Variants in PTPN13 observed in about 807,000 individuals in gnomAD.
The protein encoded by PTPN13 is tyrosine-protein phosphatase non-receptor type 13.
Under a neutral mutation model 284.0 loss-of-function variants are expected in PTPN13, and 191 were observed. That is an observed-to-expected ratio of 0.67 (90% CI 0.60 to 0.76). The LOEUF (loss-of-function observed/expected upper bound fraction) is 0.76, where lower values mean the gene tolerates loss of function less well. Among genes scored for constraint, PTPN13 ranks in the 30% least tolerant of loss-of-function variants. The probability of loss-of-function intolerance (pLI) is 0.00; values close to 1 mark genes in which losing one functional copy is unlikely to be tolerated. For missense variants in PTPN13, 2,797 were observed against 2,939.9 expected (o/e 0.95, Z 1.12); for synonymous variants, 986 against 1,022.3 (o/e 0.96, Z 0.68).
intron 17 of PTPN13, among the ~76,000 whole-genome samples, chr4:86,749,075 G>A (rs7664147): frequency 0.14 from 21,499 of 152,164 alleles, 1,979 homozygotes; most frequent in African/African-American, 0.25. Context: ...TAGTGACAAT[G>A]AGGCATGTTT....
chr4:86,690,631 C>G (rs1729923818), intron 5 of PTPN13, among the ~76,000 whole-genome samples: 2 of 152,124 alleles, frequency 1.3e-5, no homozygotes, highest in South Asian at 4.2e-4. Context: ...ATTAGACAGT[C>G]CAGGGACTTT....
At chr4:86,802,336 T>C (rs767778272) in intron 42 of PTPN13, among the ~76,000 whole-genome samples, 19 of 152,190 alleles carry the variant, frequency 1.2e-4, no homozygotes, top group Non-Finnish European at 2.5e-4. Flanking sequence ...TGCCTACCTA[T>C]TATGTTGTTT....
rs1333451883 is a variant in PTPN13, at chr4:86,732,777, A to AT, written c.1858+15dup. On this transcript the variant is annotated intron_variant, in intron 12 of 47. Transcript: ENST00000411767. ...TAGCTACCCTCAAAGGTACCAAGAC[A>AT]TTTTATATTCAGAGTACAGTATAGA... The AT allele has an allele frequency of 1.2e-6, 2 of 1,608,088 alleles. No individual in the cohort carries two copies. The highest frequency in any genetic ancestry group is 1.7e-6 in the Non-Finnish European group (2 of 1,176,422).
At chr4:86,598,451 A>G (rs897391794) in intron 1 of PTPN13, among the ~76,000 whole-genome samples, 2 of 152,128 alleles carry the variant, frequency 1.3e-5, no homozygotes, top group Non-Finnish European at 2.9e-5. Flanking sequence ...GGTCCCTCTC[A>G]AGGTATTTTG....
intron 3 of PTPN13, among the ~76,000 whole-genome samples, chr4:86,681,749 G>A (rs1421139888): frequency 2.6e-5 from 4 of 152,108 alleles, no homozygotes; most frequent in East Asian, 1.9e-4. Context: ...CCAACATGGC[G>A]AAACCCCGTC....
intron 44 of PTPN13, among the ~76,000 whole-genome samples, chr4:86,806,177 A>C (rs541952464): frequency 6.6e-6 from 1 of 152,120 alleles, no homozygotes; most frequent in Middle Eastern, 3.4e-3. Flanking sequence ...TAGGAAAAAA[A>C]AAAGAAAAGC....
In PTPN13 at chr4:86,701,727, T is replaced by C; in HGVS notation, c.1121T>C (p.Ile374Thr). ...CGAGAATTGCCCACCTCCTCAGCAA[T>C]ATCAAGTGCTTTGGACCGAATCCGA... ...HTRELPTSSA[I>T]SSALDRIRER... Residue 374 changes from isoleucine to threonine, a missense_variant, in exon 7 of 48, where the codon ATA (isoleucine) becomes ACA (threonine). Physicochemically the swap from Ile to Thr is moderately conservative, Grantham distance 89 (BLOSUM62 -1). Transcript: ENST00000411767. The C allele has an allele frequency of 1.9e-6, 3 of 1,613,892 alleles. No homozygotes were observed. The highest frequency in any genetic ancestry group is 2.5e-6 in the Non-Finnish European group (3 of 1,179,854).
intron 40 of PTPN13, among the ~76,000 whole-genome samples, chr4:86,795,149 A>C (rs1743177517): frequency 6.6e-6 from 1 of 152,270 alleles, no homozygotes; most frequent in African/African-American, 2.4e-5. Context: ...CCCATCTGAC[A>C]AAGGACTAAT....
intron 1 of PTPN13, among the ~76,000 whole-genome samples, chr4:86,601,980 A>G (rs772936143): frequency 7.2e-5 from 11 of 152,224 alleles, no homozygotes; most frequent in Non-Finnish European, 1.5e-4. Context: ...GTCTGAGGCC[A>G]CATAGCTTTA....
At chr4:86,693,071 TA>T (rs34543988) in intron 5 of PTPN13, among the ~76,000 whole-genome samples, 75,182 of 112,168 alleles carry the variant, frequency 0.67, 24,571 homozygotes, top group South Asian at 0.8. Flanking sequence ...CCGTTATATT[TA>T]AAAAAAAAAA....
Position 86,750,799 on chromosome 4 carries a change from C to T in PTPN13, c.2980C>T (p.Gln994Ter). Residue 994 changes from glutamine (Q) to a stop codon, truncating the protein, a stop_gained, in exon 18 of 48, where the codon CAA becomes TAA. Coordinates refer to ENST00000411767, the MANE Select transcript of PTPN13 (RefSeq NM_080683.3). LOFTEE classifies it high-confidence loss of function. ...NVIVNMEPPPQTVAELVGKPS... is the reference protein window; with the variant it reads ...NVIVNMEPPP ...CATTGTTAACATGGAACCCCCACCA[C>T]AAACCGTTGCAGAGTTGGTGGGAAA... 6.2e-7 allele frequency: 1 copy of T among 1,613,742 alleles called. No individual in the cohort carries two copies. Among genetic ancestry groups the T allele is most frequent in the Non-Finnish European group, 8.5e-7 (1 of 1,179,802 alleles).
intron 1 of PTPN13, among the ~76,000 whole-genome samples, chr4:86,632,619 A>T (rs1208295633): frequency 6.6e-6 from 1 of 151,426 alleles, no homozygotes; most frequent in Non-Finnish European, 1.5e-5. Flanking sequence ...AATAATTCTA[A>T]TTTGAATCCT....
intron 37 of PTPN13, 50 bp from the exon 38 acceptor site, chr4:86,784,415 G>A: frequency 7.7e-7 from 1 of 1,297,428 alleles, no homozygotes. Flanking sequence ...CCCCGATCCT[G>A]GAAGTTAGTA....
rs139664718 is a variant in PTPN13 at position 86,814,662 on chromosome 4, G to A, written c.*111G>A. On this transcript the variant is annotated 3_prime_UTR_variant, in exon 48 of 48. Coordinates refer to ENST00000411767, the MANE Select transcript of PTPN13 (RefSeq NM_080683.3). The stretch of plus-strand genomic sequence containing the variant: ...AGCAGCAAGTTCATACAACATGCAT[G>A]TTCTCCTCTATCTTAGAGGGGTATT... 75 of 775,768 alleles carry A rather than the reference G, an allele frequency of 9.7e-5. 1 individual carries two copies. Among genetic ancestry groups the A allele is most frequent in the East Asian group, 6.1e-4 (23 of 37,602 alleles). 48.1% of individuals were successfully genotyped at this position (775,768 alleles called of 1,614,324 possible).
intron 1 of PTPN13, among the ~76,000 whole-genome samples, chr4:86,633,266 G>C (rs143780448): frequency 1.2e-3 from 189 of 152,254 alleles, no homozygotes; most frequent in African/African-American, 4.3e-3. Flanking sequence ...CTTACCCTGA[G>C]CAGTGGAAGT....
intron 47 of PTPN13, among the ~76,000 whole-genome samples, chr4:86,813,493 T>C (rs964619869): frequency 2.0e-5 from 3 of 152,192 alleles, no homozygotes; most frequent in Admixed American, 2.0e-4. Flanking sequence ...TCACCCAGGC[T>C]GGAGCACAGT....
At position 86,701,379 on chromosome 4, in the gene PTPN13, T is replaced by C; in HGVS notation, c.773T>C (p.Ile258Thr). The change falls in exon 7 of 48, where the codon ATT becomes ACT. Residue 258 changes from isoleucine (I) to threonine (T), a missense_variant. Ile to Thr is a moderately conservative substitution (Grantham distance 89). Coordinates refer to ENST00000411767, the MANE Select transcript of PTPN13 (RefSeq NM_080683.3). ...CAAGATGAGAATTATTTCAAGGACA[T>C]TTTATCAGATAATTCTGGACGTGAA... Reference protein sequence around the residue: ...DTQDENYFKDILSDNSGREDS... With the variant: ...DTQDENYFKDTLSDNSGREDS... 6.2e-7 allele frequency: 1 copy of C among 1,613,318 alleles called. No individual in the cohort carries two copies. Among genetic ancestry groups the C allele is most frequent in the Non-Finnish European group, 8.5e-7 (1 of 1,179,408 alleles).
chr4:86,753,166 G>A, intron 20 of PTPN13, 101 bp downstream of exon 20: 1 of 787,306 alleles, frequency 1.3e-6, no homozygotes, highest in Non-Finnish European at 1.9e-6. Flanking sequence ...TCCATGCCTA[G>A]GATTTGATCT....
chr4:86,692,464 C>A (rs1049994373), intron 5 of PTPN13, among the ~76,000 whole-genome samples: 2 of 152,102 alleles, frequency 1.3e-5, no homozygotes, highest in Admixed American at 6.6e-5. Flanking sequence ...TAAAACATTT[C>A]TGTGGTATGT....
Sources: allele counts gnomAD v4.1 joint callset (sites outside exome capture counted in the v4.1 genomes callset), GRCh38; gene constraint gnomAD v4.1.1; transcripts MANE v1.5; gene names NCBI Gene and HGNC (gene_info 2026-07-23, HGNC 2026-07-21).